OTUD7A: variants seen among roughly 807,000 people sequenced by gnomAD.
The protein encoded by OTUD7A is OTU deubiquitinase 7A.
A neutral mutation model predicts 65.7 loss-of-function variants in OTUD7A; 12 were observed. The ratio of observed to expected loss-of-function variants is 0.18; its 90% CI spans 0.12 to 0.30. The LOEUF (loss-of-function observed/expected upper bound fraction) is 0.30. OTUD7A is among the 10% of genes least tolerant of loss of function. The pLI is 1.00. For missense variants in OTUD7A, 1,148 were observed against 1,304.8 expected (o/e 0.88, Z 1.85); for synonymous variants, 641 against 586.3 (o/e 1.09, Z -1.35).
chr15:31,777,478 G>A (rs1356701654), intron 1 of OTUD7A, among the ~76,000 whole-genome samples: 1 of 152,142 alleles, frequency 6.6e-6, no homozygotes, highest in African/African-American at 2.4e-5. Flanking sequence ...TGAACTGTGG[G>A]GTTGCCAGGA....
chr15:31,564,829 A>G (rs1235980988), intron 4 of OTUD7A, among the ~76,000 whole-genome samples: 2 of 152,214 alleles, frequency 1.3e-5, no homozygotes, highest in Non-Finnish European at 2.9e-5. Context: ...AGTTGAAATT[A>G]TATCAGCAGA....
At chr15:31,867,746 A>G (rs763537140) in intron 1 of OTUD7A, among the ~76,000 whole-genome samples, 15 of 152,200 alleles carry the variant, frequency 9.9e-5, no homozygotes, top group Non-Finnish European at 4.4e-5. Flanking sequence ...CTGAGACTCA[A>G]AGTGTGCTAA....
intron 8 of OTUD7A, among the ~76,000 whole-genome samples, chr15:31,522,973 G>A (rs752332841): frequency 3.2e-4 from 48 of 152,224 alleles, no homozygotes; most frequent in Non-Finnish European, 8.8e-5. Context: ...TGCAGGGCCC[G>A]CACTGCACCC....
At chr15:31,639,957 C>T (rs1369821921) in intron 3 of OTUD7A, among the ~76,000 whole-genome samples, 3 of 152,182 alleles carry the variant, frequency 2.0e-5, no homozygotes, top group African/African-American at 7.2e-5. Flanking sequence ...TTCCAACTTG[C>T]AGTTTATCTT....
intron 1 of OTUD7A, among the ~76,000 whole-genome samples, chr15:31,809,002 A>G (rs1458633199): frequency 6.6e-6 from 1 of 152,134 alleles, no homozygotes; most frequent in Non-Finnish European, 1.5e-5. Context: ...AAGCAAAATC[A>G]CTGAGAAGCC....
chr15:31,769,392 A>G (rs1392286624), intron 1 of OTUD7A, among the ~76,000 whole-genome samples: 2 of 152,236 alleles, frequency 1.3e-5, no homozygotes, highest in African/African-American at 4.8e-5. Flanking sequence ...AATACCTGGA[A>G]TACAGTTGGG....
At chr15:31,772,590 A>G (rs1895270422) in intron 1 of OTUD7A, among the ~76,000 whole-genome samples, 1 of 152,212 alleles carries the variant, frequency 6.6e-6, no homozygotes, top group African/African-American at 2.4e-5. Context: ...ACCCTATTCA[A>G]TCAGAATGGC....
intron 3 of OTUD7A, among the ~76,000 whole-genome samples, chr15:31,643,414 T>C (rs762591525): frequency 1.2e-4 from 19 of 152,254 alleles, no homozygotes; most frequent in Non-Finnish European, 2.5e-4. Flanking sequence ...TGCTGTTAAT[T>C]CCACTGAGTT....
chr15:31,730,525 T>C (rs1473960309), intron 1 of OTUD7A, among the ~76,000 whole-genome samples: 3 of 152,216 alleles, frequency 2.0e-5, no homozygotes, highest in Non-Finnish European at 4.4e-5. Context: ...AGCCTCTCAA[T>C]TCAAACTCAG....
rs2041040374 is a variant in OTUD7A at position 31,477,457 on chromosome 15, T to C, written c.*5837A>G. On this transcript the variant is annotated 3_prime_UTR_variant, in exon 13 of 13. Coordinates refer to ENST00000307050, the MANE Select transcript of OTUD7A (RefSeq NM_001382637.1). ...TCCCCTGCGAACAGTGAGCCTCATA[T>C]TTGTGAGGTGGGGCTAGCGGCAGGG... is the stretch of plus-strand genomic sequence containing the variant. 1 of 152,212 alleles carries C rather than the reference T, an allele frequency of 6.6e-6. No individual in the cohort carries two copies. Among genetic ancestry groups the C allele is most frequent in the African/African-American group, 2.4e-5 (1 of 41,450 alleles). 9.4% of individuals were successfully genotyped at this position (152,212 alleles called of 1,614,324 possible). A position where few individuals can be genotyped will look rare whatever the true frequency, so the allele number is the denominator to read the frequency against.
chr15:31,840,999 G>A (rs1238694902), intron 1 of OTUD7A, among the ~76,000 whole-genome samples: 3 of 152,166 alleles, frequency 2.0e-5, no homozygotes, highest in Non-Finnish European at 4.4e-5. Flanking sequence ...GCCGTCACCT[G>A]TGCAATGTGG....
At chr15:31,816,722 ACACTGAGACATTTACTACTT>A (rs1463283249) in intron 1 of OTUD7A, among the ~76,000 whole-genome samples, 16 of 152,204 alleles carry the variant, frequency 1.1e-4, no homozygotes, top group African/African-American at 3.9e-4. Context: ...TGTTAAACAT[ACACTGAGACATTTACTACTT>A]AAAAGAATCC....
intron 1 of OTUD7A, among the ~76,000 whole-genome samples, chr15:31,856,680 G>A (rs1222024799): frequency 6.6e-6 from 1 of 152,026 alleles, no homozygotes; most frequent in Non-Finnish European, 1.5e-5. Context: ...ACCCCTCCTC[G>A]CCACACGTTA....
intron 1 of OTUD7A, among the ~76,000 whole-genome samples, chr15:31,759,802 C>G (rs1257139819): frequency 1.3e-5 from 2 of 152,132 alleles, no homozygotes; most frequent in Non-Finnish European, 2.9e-5. Flanking sequence ...TGCTGGATTA[C>G]AGGCATGAGC....
At chr15:31,776,586 C>T (rs1895387222) in intron 1 of OTUD7A, among the ~76,000 whole-genome samples, 1 of 152,206 alleles carries the variant, frequency 6.6e-6, no homozygotes. Context: ...CATCCCAATT[C>T]AGTGGAGACC....
chr15:31,615,880 G>A (rs550599269), intron 3 of OTUD7A, among the ~76,000 whole-genome samples: 8 of 152,198 alleles, frequency 5.3e-5, no homozygotes, highest in Non-Finnish European at 1.0e-4. Context: ...AATGCCTTGG[G>A]ATCCTTCTGG....
intron 3 of OTUD7A, among the ~76,000 whole-genome samples, chr15:31,600,067 T>C (rs1419260945): frequency 6.6e-6 from 1 of 152,128 alleles, no homozygotes; most frequent in African/African-American, 2.4e-5. Flanking sequence ...GAAAACACTC[T>C]TCAGGATATT....
intron 1 of OTUD7A, among the ~76,000 whole-genome samples, chr15:31,792,747 T>A (rs981566890): frequency 2.6e-5 from 4 of 152,224 alleles, no homozygotes. Context: ...CACTGGCTTC[T>A]GAGCACAGTC....
In OTUD7A at chr15:31,538,751, T is replaced by C. The variant is rs1244305877; in HGVS notation, c.551-7943A>G. Among the ~76,000 whole-genome samples, 11 of 152,212 alleles carry C rather than the reference T, an allele frequency of 7.2e-5. No individual in the cohort carries two copies. The East Asian group carries it at 2.1e-3, about 29-fold the overall frequency. ...CACCCATCACCCAAAACCAAATGAATGTCACCCCTCTGCCATATTTGCACC... is the reference window on the plus strand; with the variant it reads ...CACCCATCACCCAAAACCAAATGAACGTCACCCCTCTGCCATATTTGCACC... On this transcript the variant is annotated intron_variant, in intron 5 of 12. Coordinates refer to ENST00000307050, the MANE Select transcript of OTUD7A (RefSeq NM_001382637.1).
Sources: allele counts gnomAD v4.1 joint callset (sites outside exome capture counted in the v4.1 genomes callset), GRCh38; gene constraint gnomAD v4.1.1; transcripts MANE v1.5; gene names NCBI Gene and HGNC (gene_info 2026-07-23, HGNC 2026-07-21).